Variants in PES1 observed in about 807,000 individuals in gnomAD.
PES1 encodes pescadillo homolog.
PES1 carries 31 observed loss-of-function variants against 77.1 expected under a neutral mutation model. The ratio of observed to expected loss-of-function variants is 0.40; its 90% CI spans 0.30 to 0.54. The LOEUF is 0.54. Ranked by LOEUF, PES1 falls within the 20% of genes least tolerant of loss-of-function variation. PES1 has a pLI of 0.45. For synonymous variants in PES1, 282 were observed against 303.0 expected (o/e 0.93, Z 0.72); for missense variants, 658 against 771.7 (o/e 0.85, Z 1.75).
intron 4 of PES1, 130 bp from the exon 5 acceptor site, chr22:30,584,847 G>T: frequency 1.2e-6 from 1 of 862,936 alleles, no homozygotes; most frequent in Non-Finnish European, 1.8e-6. Context: ...TCCTGACCTG[G>T]CAGGAGCAGC....
At chr22:30,597,502 GACTTGGAGAACA>G (rs2087273990) in intron 2 of PES1, among the ~76,000 whole-genome samples, 4 of 65,740 alleles carry the variant, frequency 6.1e-5, no homozygotes, top group Non-Finnish European at 9.5e-5. Context: ...ATCTTGTGGG[GACTTGGAGAACA>G]TTTATGTCTA....
Position 30,576,780 on chromosome 22 carries a change from C to A in PES1, c.*266G>T. On this transcript the variant is annotated 3_prime_UTR_variant, in exon 15 of 15. Transcript: ENST00000354694. ...AGTAGGTAGGGGGCTGGGTGGGCCT[C>A]TGCACCTCATGTCACTGGCTCCTGG... The A allele has an allele frequency of 1.9e-6, 1 of 536,464 alleles. No homozygotes were observed. Among genetic ancestry groups the A allele is most frequent in the Admixed American group, 3.3e-5 (1 of 30,468 alleles). The allele number at this position is 536,464 out of a possible 1,614,324, so 33.2% of individuals were successfully genotyped here. A position where few individuals can be genotyped will look rare whatever the true frequency, so the allele number is the denominator to read the frequency against.
In PES1 at chr22:30,591,855, C is replaced by T. The variant is rs1203467796; in HGVS notation, c.-22G>A. 6.4e-7 allele frequency: 1 copy of T among 1,550,588 alleles called. No individual in the cohort carries two copies. The highest frequency in any genetic ancestry group is 2.4e-5 in the East Asian group (1 of 41,228). On this transcript the variant is annotated 5_prime_UTR_variant, in exon 1 of 15. Coordinates refer to ENST00000354694, the MANE Select transcript of PES1 (RefSeq NM_014303.4). ...CCATCGCTCCACGTTGAGGAGCCGACTAGGGCCGCGCGTACAGGGAGCTCC... is the reference window on the plus strand; with the variant it reads ...CCATCGCTCCACGTTGAGGAGCCGATTAGGGCCGCGCGTACAGGGAGCTCC...
At chr22:30,588,230 T>C in intron 2 of PES1, 56 bp from the exon 3 acceptor site, 1 of 1,606,602 alleles carries the variant, frequency 6.2e-7, no homozygotes, top group South Asian at 1.1e-5. Flanking sequence ...TGGGGAGCAC[T>C]GGCCACAGCT....
intron 9 of PES1, 53 bp from the exon 10 acceptor site, chr22:30,580,754 G>C (rs749465412): frequency 5.0e-6 from 8 of 1,608,448 alleles, no homozygotes; most frequent in Non-Finnish European, 6.8e-6. Context: ...ACCCCCACTG[G>C]AGGGCCAGGG....
At chr22:30,582,978 C>T (rs1237742632) in intron 6 of PES1, among the ~76,000 whole-genome samples, 5 of 152,208 alleles carry the variant, frequency 3.3e-5, no homozygotes, top group Non-Finnish European at 7.3e-5. Context: ...GAGGAAGCAA[C>T]GGCAGTGAAC....
intron 2 of PES1, among the ~76,000 whole-genome samples, chr22:30,604,636 AT>A (rs57017208): frequency 0.92 from 138,576 of 149,992 alleles, 64,095 homozygotes; most frequent in East Asian, 1. Flanking sequence ...CTCAAAAAAA[AT>A]AAATAAATAA....
intron 2 of PES1, among the ~76,000 whole-genome samples, chr22:30,597,173 T>G (rs973534644): frequency 6.6e-6 from 1 of 152,022 alleles, no homozygotes; most frequent in Non-Finnish European, 1.5e-5. Context: ...CGGCACAGCC[T>G]AAGCCTCCCC....
intron 2 of PES1, among the ~76,000 whole-genome samples, chr22:30,603,154 A>T (rs932329021): frequency 1.3e-5 from 2 of 151,724 alleles, no homozygotes; most frequent in African/African-American, 4.8e-5. Context: ...CAGGTGATCC[A>T]CCCACCTCGG....
At chr22:30,603,708 A>G (rs1321705609) in intron 2 of PES1, 1 of 152,114 alleles carries the variant, frequency 6.6e-6, no homozygotes, top group Non-Finnish European at 1.5e-5. Context: ...ATATATATAC[A>G]CTTTTAATCA....
At chr22:30,600,570 A>T (rs905642022) in intron 2 of PES1, among the ~76,000 whole-genome samples, 1 of 152,106 alleles carries the variant, frequency 6.6e-6, no homozygotes, top group South Asian at 2.1e-4. Flanking sequence ...TAATCCCAGC[A>T]CTTTGGGAGG....
chr22:30,585,107 G>C (rs2087058367), intron 4 of PES1: 1 of 386,164 alleles, frequency 2.6e-6, no homozygotes, highest in Non-Finnish European at 5.3e-6. Context: ...TGGAAAATGG[G>C]AAACCGAAGC....
At chr22:30,601,664 T>C (rs2087356003) in intron 2 of PES1, among the ~76,000 whole-genome samples, 1 of 152,188 alleles carries the variant, frequency 6.6e-6, no homozygotes, top group South Asian at 2.1e-4. Context: ...TATCACTGTT[T>C]TTATATATGC....
chr22:30,577,497 A>G (rs1365027447), intron 14 of PES1, among the ~76,000 whole-genome samples: 1 of 152,138 alleles, frequency 6.6e-6, no homozygotes, highest in Non-Finnish European at 1.5e-5. Flanking sequence ...TCATCTGACA[A>G]TATATTTTTA....
upstream of PES1, among the ~76,000 whole-genome samples, chr22:30,594,534 C>A (rs923784484): frequency 1.3e-5 from 2 of 152,006 alleles, no homozygotes; most frequent in Non-Finnish European, 2.9e-5. Context: ...AAAAAATTAG[C>A]TTGGCACGGT....
In PES1 at chr22:30,579,778, G is replaced by A. The variant is rs1200709777; in HGVS notation, c.1327C>T (p.Leu443=). 2 of 1,614,004 alleles carry A rather than the reference G, an allele frequency of 1.2e-6. No individual in the cohort carries two copies. The highest frequency in any genetic ancestry group is 1.3e-5 in the African/African-American group (1 of 75,056). Residue 443 remains leucine, a synonymous_variant, in exon 12 of 15, where the codon CTG becomes TTG. Coordinates refer to ENST00000354694, the MANE Select transcript of PES1 (RefSeq NM_014303.4). ...GGGTCCTCTCCCCGCTGCAGAGCCA[G>A]CAGCTTCAGCTTCTCAGGTGGAACG... is the stretch of plus-strand genomic sequence containing the variant. ...DYVPPEKLKL[L]ALQRGEDPGN...
At chr22:30,601,128 C>T (rs971284971) in intron 2 of PES1, among the ~76,000 whole-genome samples, 2 of 152,138 alleles carry the variant, frequency 1.3e-5, no homozygotes, top group Non-Finnish European at 1.5e-5. Flanking sequence ...CTGCATTCTG[C>T]TACTGACAAG....
At chr22:30,592,357 C>T (rs1230228357), upstream of PES1, 9 of 988,986 alleles carry the variant, frequency 9.1e-6, no homozygotes, top group Non-Finnish European at 9.6e-6. Flanking sequence ...GCTGAGTTCC[C>T]ACCGGCTTCG....
chr22:30,598,149 T>TA (rs2087293244), intron 2 of PES1, among the ~76,000 whole-genome samples: 1 of 152,198 alleles, frequency 6.6e-6, no homozygotes, highest in Admixed American at 6.5e-5. Context: ...CAATAACTCT[T>TA]ACTGCTGCTC....
Sources: gnomAD v4.1 joint callset for allele counts (sites outside exome capture counted in the v4.1 genomes callset) on GRCh38, gnomAD v4.1.1 for gene constraint, MANE v1.5 for transcripts, NCBI Gene and HGNC (gene_info 2026-07-23, HGNC 2026-07-21) for gene names.